The following CHCHD6 variants were observed in gnomAD, a reference collection of about 807,000 sequenced individuals.
CHCHD6 encodes coiled-coil-helix-coiled-coil-helix domain containing 6.
In CHCHD6, 28 loss-of-function variants were observed where a neutral mutation model predicts 32.3. The observed-to-expected ratio is 0.87, with a 90% CI of 0.64 to 1.19. The LOEUF (loss-of-function observed/expected upper bound fraction) is 1.19. Among genes scored for constraint, CHCHD6 ranks in the 50% most tolerant of loss-of-function variants. CHCHD6 has a pLI of 0.00. For synonymous variants in CHCHD6, 122 were observed against 117.5 expected (o/e 1.04, Z -0.25); for missense variants, 333 against 307.0 (o/e 1.08, Z -0.63).
chr3:126,911,075 A>AT (rs1460023408), intron 5 of CHCHD6, among the ~76,000 whole-genome samples: 10 of 152,282 alleles, frequency 6.6e-5, no homozygotes, highest in Admixed American at 4.6e-4. Context: ...AATAAAAAAA[A>AT]CTCAGCCTCA....
chr3:126,864,341 A>C (rs1308536609), intron 5 of CHCHD6, among the ~76,000 whole-genome samples: 163 of 60,784 alleles, frequency 2.7e-3, no homozygotes, highest in African/African-American at 3.2e-3. Context: ...CCACCTCACC[A>C]TTCTCCCCCT....
intron 4 of CHCHD6, chr3:126,766,467 C>T: frequency 1.4e-6 from 1 of 707,008 alleles, no homozygotes; most frequent in Non-Finnish European, 2.6e-6. Context: ...CTGGTAGTTT[C>T]TTGATCTTCT....
chr3:126,915,212 T>C (rs1258262805), intron 6 of CHCHD6, among the ~76,000 whole-genome samples: 1 of 152,176 alleles, frequency 6.6e-6, no homozygotes, highest in Admixed American at 6.5e-5. Flanking sequence ...ATGCTCGGGG[T>C]GGCCCACACT....
intron 5 of CHCHD6, among the ~76,000 whole-genome samples, chr3:126,863,341 A>ACCTCCTCCTCCTCTACCATCACCACCT (rs1443730059): frequency 2.0e-5 from 2 of 98,948 alleles, no homozygotes; most frequent in Non-Finnish European, 3.9e-5. Flanking sequence ...CTCCTCCATC[A>ACCTCCTCCTCCTCTACCATCACCACCT]CCTCCTCCTC....
At chr3:126,837,335 A>G (rs1940900674) in intron 4 of CHCHD6, among the ~76,000 whole-genome samples, 1 of 152,104 alleles carries the variant, frequency 6.6e-6, no homozygotes, top group Admixed American at 6.5e-5. Flanking sequence ...ATGACAAGGC[A>G]GGAGGATTGC....
intron 4 of CHCHD6, among the ~76,000 whole-genome samples, chr3:126,800,409 C>G (rs549526761): frequency 3.9e-5 from 6 of 152,268 alleles, no homozygotes; most frequent in African/African-American, 1.2e-4. Flanking sequence ...AGCTGGAACT[C>G]GGGCCTGCAG....
intron 5 of CHCHD6, among the ~76,000 whole-genome samples, chr3:126,890,923 C>G (rs1432225756): frequency 1.3e-5 from 2 of 152,126 alleles, no homozygotes; most frequent in Non-Finnish European, 2.9e-5. Flanking sequence ...GGCATTGAAG[C>G]TACATGGTCC....
At chr3:126,864,907 A>ACCATCACCACCTCCTCCT (rs1942204971) in intron 5 of CHCHD6, among the ~76,000 whole-genome samples, 2 of 120,852 alleles carry the variant, frequency 1.7e-5, no homozygotes, top group African/African-American at 6.3e-5. Flanking sequence ...CTCCTCCTCC[A>ACCATCACCACCTCCTCCT]CCATCACCTT....
At chr3:126,734,674 T>A (rs1481061778) in intron 4 of CHCHD6, among the ~76,000 whole-genome samples, 6 of 152,138 alleles carry the variant, frequency 3.9e-5, no homozygotes, top group Non-Finnish European at 8.8e-5. Context: ...AGTTGTTAAA[T>A]TGAAGAAAAG....
intron 4 of CHCHD6, among the ~76,000 whole-genome samples, chr3:126,847,699 T>C (rs531188235): frequency 6.6e-6 from 1 of 152,284 alleles, no homozygotes; most frequent in East Asian, 1.9e-4. Flanking sequence ...CACTTATTTC[T>C]ATAATTTTAT....
At chr3:126,766,232 A>G (rs1380587619) in intron 4 of CHCHD6, among the ~76,000 whole-genome samples, 4 of 152,148 alleles carry the variant, frequency 2.6e-5, no homozygotes, top group African/African-American at 7.2e-5. Context: ...CATTAAAGGG[A>G]AAAAAACGTA....
At chr3:126,708,850 A>G (rs1934624899) in intron 1 of CHCHD6, among the ~76,000 whole-genome samples, 1 of 152,100 alleles carries the variant, frequency 6.6e-6, no homozygotes, top group South Asian at 2.1e-4. Context: ...AGTCCCAGGT[A>G]ACCATTAATC....
At chr3:126,846,670 C>A (rs1203406841) in intron 4 of CHCHD6, among the ~76,000 whole-genome samples, 1 of 152,186 alleles carries the variant, frequency 6.6e-6, no homozygotes, top group African/African-American at 2.4e-5. Flanking sequence ...TTCTCTATAT[C>A]TTCACACGTG....
Position 126,771,316 on chromosome 3 carries a change from T to C in CHCHD6, c.411+38094T>C, listed in dbSNP as rs552607806. Reference sequence around the variant, plus strand: ...GCCTCCCAGGTTCAGGCAATTCCCCTGCCTCAGCCTCCTGAGTAGCTGGGA... The same window carrying C: ...GCCTCCCAGGTTCAGGCAATTCCCCCGCCTCAGCCTCCTGAGTAGCTGGGA... On this transcript the variant is annotated intron_variant, in intron 4 of 7. Coordinates refer to ENST00000290913, the MANE Select transcript of CHCHD6 (RefSeq NM_032343.3). Among the ~76,000 whole-genome samples, 326 of 151,698 alleles carry C rather than the reference T, an allele frequency of 2.1e-3. 1 individual carries two copies. Among genetic ancestry groups the C allele is most frequent in the Non-Finnish European group, 3.2e-3 (219 of 67,932 alleles).
chr3:126,917,935 C>T (rs915838520), intron 6 of CHCHD6, among the ~76,000 whole-genome samples: 3 of 152,182 alleles, frequency 2.0e-5, no homozygotes, highest in Admixed American at 6.5e-5. Context: ...GAGGAATAAA[C>T]GTCTATTGTT....
intron 4 of CHCHD6, among the ~76,000 whole-genome samples, chr3:126,787,551 A>G (rs1191092855): frequency 3.9e-5 from 6 of 152,040 alleles, no homozygotes; most frequent in African/African-American, 7.2e-5. Flanking sequence ...ATCCCTTGTA[A>G]GTTGGATTCC....
intron 4 of CHCHD6, among the ~76,000 whole-genome samples, chr3:126,739,337 C>T (rs572714569): frequency 6.7e-6 from 1 of 148,470 alleles, no homozygotes; most frequent in South Asian, 2.3e-4. Flanking sequence ...GTCTTTGCCA[C>T]ATATTCTTTG....
chr3:126,876,081 A>G (rs2077535486), intron 5 of CHCHD6, among the ~76,000 whole-genome samples: 1 of 152,258 alleles, frequency 6.6e-6, no homozygotes, highest in Non-Finnish European at 1.5e-5. Context: ...TGTCTGGCCT[A>G]GAATAATGGC....
intron 4 of CHCHD6, among the ~76,000 whole-genome samples, chr3:126,806,987 G>T (rs1326456052): frequency 7.1e-6 from 1 of 140,600 alleles, no homozygotes; most frequent in African/African-American, 2.6e-5. Context: ...TCATAGATGG[G>T]AATTGAACAG....
Sources: allele counts gnomAD v4.1 joint callset (sites outside exome capture counted in the v4.1 genomes callset), GRCh38; gene constraint gnomAD v4.1.1; transcripts MANE v1.5; gene names NCBI Gene and HGNC (gene_info 2026-07-23, HGNC 2026-07-21).